Variants in ITPRID1 observed in about 807,000 individuals in gnomAD.
ITPRID1 encodes ITPR interacting domain containing 1.
Under a neutral mutation model 95.4 loss-of-function variants are expected in ITPRID1, and 96 were observed. The observed-to-expected ratio is 1.01, with a 90% CI of 0.85 to 1.19. The LOEUF is 1.19. Ranked by LOEUF, ITPRID1 falls within the 50% of genes most tolerant of loss-of-function variation. The probability of loss-of-function intolerance (pLI) is 0.00; values close to 1 mark genes in which losing one functional copy is unlikely to be tolerated. For missense variants in ITPRID1, 1,339 were observed against 1,252.9 expected, an observed-to-expected ratio of 1.07 and a Z score of -1.04; for synonymous variants, 510 against 453.6, an observed-to-expected ratio of 1.12 and a Z score of -1.58.
chr7:31,648,293 G>C (rs757921817), intron 12 of ITPRID1, among the ~76,000 whole-genome samples: 23 of 151,990 alleles, frequency 1.5e-4, no homozygotes, highest in Admixed American at 4.6e-4. Context: ...ACTTGCATTT[G>C]GTATTTGGGT....
At chr7:31,605,429 A>C (rs945261319) in intron 10 of ITPRID1, among the ~76,000 whole-genome samples, 13 of 152,190 alleles carry the variant, frequency 8.5e-5, no homozygotes, top group African/African-American at 3.1e-4. Context: ...TAGGCCATTC[A>C]CTAAGGAGTT....
chr7:31,587,348 GACAA>G (rs1455762311), intron 10 of ITPRID1, among the ~76,000 whole-genome samples: 1 of 151,994 alleles, frequency 6.6e-6, no homozygotes, highest in Non-Finnish European at 1.5e-5. Flanking sequence ...ACCAATAACA[GACAA>G]ACAGAGAGCC....
intron 4 of ITPRID1, 137 bp from the exon 5 acceptor site, chr7:31,554,721 C>A: frequency 1.0e-6 from 1 of 979,096 alleles, no homozygotes; most frequent in Non-Finnish European, 1.5e-6. Flanking sequence ...TAGTCCCTGA[C>A]TGTTTATTGG....
intron 1 of ITPRID1, among the ~76,000 whole-genome samples, chr7:31,537,095 T>TTTTGTGTGTG (rs1554281957): frequency 6.9e-6 from 1 of 145,568 alleles, no homozygotes. Flanking sequence ...GGTGTGTGTG[T>TTTTGTGTGTG]TGTGTGTGTG....
chr7:31,617,022 T>C (rs1787310342), intron 10 of ITPRID1, among the ~76,000 whole-genome samples: 2 of 152,228 alleles, frequency 1.3e-5, no homozygotes, highest in Non-Finnish European at 2.9e-5. Flanking sequence ...CTTTTCTTTA[T>C]GACAGACTGC....
Position 31,651,973 on chromosome 7 carries a change from G to T in ITPRID1, c.2746G>T (p.Ala916Ser), listed in dbSNP as rs1313763780. ...CGAGCAACTGCAAACGTTACGTGAG[G>T]CCCTGAGGCAGCAGGTGGCAGAGTT... ...EAEQLQTLRE[A>S]LRQQVAELEF... Residue 916 changes from alanine (A) to serine (S), a missense_variant, in exon 14 of 15, where the codon GCC becomes TCC. Ala to Ser is a moderately conservative substitution (Grantham distance 99). Coordinates refer to ENST00000615280, the MANE Select transcript of ITPRID1 (RefSeq NM_001257967.3). 5 of 1,604,406 alleles carry T rather than the reference G, an allele frequency of 3.1e-6. No homozygotes were observed. The highest frequency in any genetic ancestry group is 1.3e-5 in the African/African-American group (1 of 74,878).
chr7:31,567,523 T>C (rs1302362239), intron 5 of ITPRID1, among the ~76,000 whole-genome samples: 4 of 151,788 alleles, frequency 2.6e-5, no homozygotes, highest in African/African-American at 9.7e-5. Context: ...AGAGGCCGTA[T>C]ATATTCCCAC....
intron 10 of ITPRID1, among the ~76,000 whole-genome samples, chr7:31,614,967 A>G (rs1255085279): frequency 6.6e-6 from 1 of 152,224 alleles, no homozygotes; most frequent in African/African-American, 2.4e-5. Context: ...GTTTTCCATC[A>G]CCATTAGCCA....
chr7:31,615,708 A>G (rs1416833446), intron 10 of ITPRID1, among the ~76,000 whole-genome samples: 3 of 152,042 alleles, frequency 2.0e-5, no homozygotes, highest in East Asian at 1.9e-4. Flanking sequence ...TAAGTGACCA[A>G]TTGAAGGCTA....
chr7:31,517,228 T>TGC (rs1783072969), intron 1 of ITPRID1: 1 of 152,146 alleles, frequency 6.6e-6, no homozygotes, highest in Non-Finnish European at 1.5e-5. Context: ...TGGTCCATTT[T>TGC]ACAGAGAGCT....
At chr7:31,530,293 GA>G (rs988930995) in intron 1 of ITPRID1, among the ~76,000 whole-genome samples, 1 of 152,086 alleles carries the variant, frequency 6.6e-6, no homozygotes, top group African/African-American at 2.4e-5. Context: ...AATTCATTAA[GA>G]AAAAGCTAAA....
At chr7:31,547,485 G>A (rs1197541982) in intron 1 of ITPRID1, among the ~76,000 whole-genome samples, 1 of 130,430 alleles carries the variant, frequency 7.7e-6, no homozygotes, top group African/African-American at 2.6e-5. Context: ...AAAGCCAACA[G>A]ATCTCATGAG....
intron 1 of ITPRID1, among the ~76,000 whole-genome samples, chr7:31,525,941 C>T (rs576088720): frequency 6.6e-5 from 10 of 152,032 alleles, no homozygotes; most frequent in Admixed American, 2.0e-4. Context: ...TTTCTGGTAA[C>T]TTTCTGGCTC....
chr7:31,652,230 T>G (rs1406500718), intron 14 of ITPRID1, among the ~76,000 whole-genome samples, 180 bp downstream of exon 14: 1 of 152,190 alleles, frequency 6.6e-6, no homozygotes, highest in African/African-American at 2.4e-5. Flanking sequence ...CTGATGGTGA[T>G]TCTGTATCAG....
Position 31,615,522 on chromosome 7 carries a change from C to CAAAG in ITPRID1, c.1229-26652_1229-26649dup, listed in dbSNP as rs531712803. On this transcript the variant is annotated intron_variant, in intron 10 of 14. Coordinates refer to ENST00000615280, the MANE Select transcript of ITPRID1 (RefSeq NM_001257967.3). Reference sequence around the variant, plus strand: ...AATTCTCTTATGCTATTTCTGTGGACAAAGATGTGAAGATGTGAGTGATTA... The same window carrying CAAAG: ...AATTCTCTTATGCTATTTCTGTGGACAAAGAAAGATGTGAAGATGTGAGTGATTA... Among the ~76,000 whole-genome samples the CAAAG allele has an allele frequency of 2.5e-3, 376 of 152,178 alleles. 1 individual carries two copies. The highest frequency in any genetic ancestry group is 0.014 in the East Asian group (74 of 5,176).
intron 9 of ITPRID1, among the ~76,000 whole-genome samples, chr7:31,579,956 T>C (rs1193774184): frequency 6.6e-6 from 1 of 152,148 alleles, no homozygotes; most frequent in Non-Finnish European, 1.5e-5. Context: ...AAAAACTTAA[T>C]CTTGCAAAGA....
chr7:31,618,994 A>G (rs926943797), intron 10 of ITPRID1, among the ~76,000 whole-genome samples: 1 of 152,192 alleles, frequency 6.6e-6, no homozygotes, highest in African/African-American at 2.4e-5. Flanking sequence ...CTGATTCTTC[A>G]TCCCCTTACA....
intron 10 of ITPRID1, among the ~76,000 whole-genome samples, chr7:31,618,592 GAAAGGCCAA>G (rs1350733757): frequency 3.9e-5 from 6 of 152,192 alleles, no homozygotes; most frequent in African/African-American, 1.4e-4. Flanking sequence ...AGGGAGTCCA[GAAAGGCCAA>G]AAAGCAAATT....
chr7:31,555,208 G>T, intron 5 of ITPRID1: 1 of 226,808 alleles, frequency 4.4e-6, no homozygotes, highest in Non-Finnish European at 8.6e-6. Flanking sequence ...AAATGAAATT[G>T]TTTAATTTTC....
Sources: gnomAD v4.1 joint callset for allele counts (sites outside exome capture counted in the v4.1 genomes callset) on GRCh38, gnomAD v4.1.1 for gene constraint, MANE v1.5 for transcripts, NCBI Gene and HGNC (gene_info 2026-07-23, HGNC 2026-07-21) for gene names.